The following LNX1 variants were observed in gnomAD, a reference collection of about 807,000 sequenced individuals.
LNX1 encodes the protein ligand of numb-protein X 1, also known as E3 ubiquitin-protein ligase LNX.
In LNX1, 54 loss-of-function variants were observed where a neutral mutation model predicts 68.4. That is an observed-to-expected ratio of 0.79 (90% CI 0.63 to 0.99). The LOEUF is 0.99. LNX1 is among the 50% of genes least tolerant of loss of function. The pLI is 0.00. For synonymous variants in LNX1, 336 were observed against 350.0 expected (o/e 0.96, Z 0.45); for missense variants, 906 against 926.4 (o/e 0.98, Z 0.29).
chr4:53,582,988 C>T (rs1311206819), intron 1 of LNX1, among the ~76,000 whole-genome samples: 1 of 152,186 alleles, frequency 6.6e-6, no homozygotes, highest in Admixed American at 6.5e-5. Flanking sequence ...ACTGCCCTGG[C>T]CCTAGCTGTA....
intron 1 of LNX1, among the ~76,000 whole-genome samples, chr4:53,627,259 C>A (rs556346442): frequency 6.6e-6 from 1 of 152,270 alleles, no homozygotes; most frequent in Admixed American, 6.5e-5. Context: ...CTTGGAGGTT[C>A]CCTGTTCACT....
In LNX1 at chr4:53,478,623, G is replaced by A. The variant is rs776036171; in HGVS notation, c.1605C>T (p.Ile535=). The A allele has an allele frequency of 5.0e-6, 8 of 1,613,994 alleles. No homozygotes were observed. In the South Asian group the frequency reaches 7.7e-5, roughly 16 times the overall value. Residue 535 remains isoleucine (I), a synonymous_variant, in exon 8 of 11, where the codon ATC becomes ATT. Coordinates refer to ENST00000263925, the MANE Select transcript of LNX1 (RefSeq NM_001126328.3). ...GASHREWDLP[I]YVISVEPGGV... Reference sequence around the variant, plus strand: ...CTCCGGGCTCAACACTGATGACATAGATAGGCAAATCCCATTCTCTATGTG... The same window carrying A: ...CTCCGGGCTCAACACTGATGACATAAATAGGCAAATCCCATTCTCTATGTG...
chr4:53,564,685 C>G (rs13151819), intron 2 of LNX1, among the ~76,000 whole-genome samples: 87,023 of 151,008 alleles, frequency 0.58, 25,453 homozygotes, highest in Non-Finnish European at 0.63. Context: ...AGCTCCCAGC[C>G]TGAGCGACAC....
chr4:53,585,906 G>A (rs1732143484), intron 1 of LNX1, among the ~76,000 whole-genome samples: 1 of 152,104 alleles, frequency 6.6e-6, no homozygotes, highest in African/African-American at 2.4e-5. Context: ...ATATTTCCAG[G>A]GGTATTCCTG....
At chr4:53,580,664 T>C (rs1731775292) in intron 1 of LNX1, among the ~76,000 whole-genome samples, 1 of 152,188 alleles carries the variant, frequency 6.6e-6, no homozygotes, top group African/African-American at 2.4e-5. Context: ...GCAATGGCTA[T>C]GAATGAAGCT....
chr4:53,495,909 G>A, intron 6 of LNX1, 114 bp downstream of exon 6: 1 of 1,247,368 alleles, frequency 8.0e-7, no homozygotes, highest in Non-Finnish European at 1.1e-6. Context: ...CTCCTTGAAA[G>A]GGAGGCACTG....
At chr4:53,595,850 T>A (rs796292157), upstream of LNX1, among the ~76,000 whole-genome samples, 1 of 152,326 alleles carries the variant, frequency 6.6e-6, no homozygotes, top group East Asian at 1.9e-4. Flanking sequence ...GCAGAATTAC[T>A]TTGCCCATTT....
intron 1 of LNX1, among the ~76,000 whole-genome samples, chr4:53,625,660 A>G (rs1051940421): frequency 1.3e-5 from 2 of 152,122 alleles, no homozygotes; most frequent in Non-Finnish European, 2.9e-5. Context: ...AAATAAAAAT[A>G]GCTGGGTGTG....
rs140308406 is a variant in LNX1, at chr4:53,476,799, G to T, written c.1846C>A (p.Pro616Thr). The change falls in exon 9 of 11, where the codon CCC becomes ACC. Residue 616 changes from proline to threonine, a missense_variant. By Grantham distance (38) the Pro-to-Thr change is conservative. Coordinates refer to ENST00000263925, the MANE Select transcript of LNX1 (RefSeq NM_001126328.3). The part of the protein sequence containing the change: ...ALDSNHNMAP[P>T]SDWSPSWVMW... ...ACCCAGGATGGGGACCAGTCACTGGGTGGGGCCATGTTGTGGTTGGAGTCC... is the reference window on the plus strand; with the variant it reads ...ACCCAGGATGGGGACCAGTCACTGGTTGGGGCCATGTTGTGGTTGGAGTCC... 1.9e-6 allele frequency: 3 copies of T among 1,614,184 alleles called. No homozygotes were observed. Among genetic ancestry groups the T allele is most frequent in the Non-Finnish European group, 2.5e-6 (3 of 1,180,024 alleles).
upstream of LNX1, among the ~76,000 whole-genome samples, chr4:53,618,724 T>C (rs1198588570): frequency 6.6e-6 from 1 of 152,188 alleles, no homozygotes; most frequent in Non-Finnish European, 1.5e-5. Context: ...TAGCCACATT[T>C]GAAAAGCAAA....
At chr4:53,630,825 C>T (rs1324146546) in intron 1 of LNX1, among the ~76,000 whole-genome samples, 1 of 152,140 alleles carries the variant, frequency 6.6e-6, no homozygotes, top group Admixed American at 6.5e-5. Context: ...TCAGAATTTG[C>T]TAATTCAGTG....
intron 2 of LNX1, among the ~76,000 whole-genome samples, chr4:53,523,575 C>T (rs1005603557): frequency 6.6e-6 from 1 of 152,240 alleles, no homozygotes; most frequent in African/African-American, 2.4e-5. Flanking sequence ...GCGTAAGCCA[C>T]AGCACCTGGC....
intron 9 of LNX1, among the ~76,000 whole-genome samples, chr4:53,475,310 T>A (rs995550765): frequency 3.9e-5 from 6 of 152,178 alleles, no homozygotes; most frequent in African/African-American, 1.2e-4. Flanking sequence ...AACTTTAAAG[T>A]CATACTCTCT....
At position 53,461,600 on chromosome 4, in the gene LNX1, T is replaced by C. The variant is rs375511100; in HGVS notation, c.1893-7A>G. ...TTTACAGTTATACAAGCACCTGAAA[T>C]AGAATGTAATCAGTGTACATGCATA... On this transcript the variant is annotated splice_region_variant and splice_polypyrimidine_tract_variant and intron_variant, in intron 9 of 10. Transcript: ENST00000263925. 15 of 1,605,064 alleles carry C rather than the reference T, an allele frequency of 9.3e-6. No homozygotes were observed. In the African/African-American group the frequency reaches 1.3e-4, roughly 14 times the overall value.
At chr4:53,622,004 G>A (rs1339275423), upstream of LNX1, among the ~76,000 whole-genome samples, 2 of 152,098 alleles carry the variant, frequency 1.3e-5, no homozygotes, top group Non-Finnish European at 2.9e-5. Context: ...ATACATTGGT[G>A]CAGAGGCCCC....
chr4:53,568,775 C>T (rs985341968), intron 2 of LNX1, among the ~76,000 whole-genome samples: 73 of 152,100 alleles, frequency 4.8e-4, no homozygotes, highest in Non-Finnish European at 8.8e-4. Context: ...ATTGTCTCAG[C>T]CCAAAATCTC....
At chr4:53,507,856 G>T in intron 3 of LNX1, 130 bp downstream of exon 3, 1 of 1,225,004 alleles carries the variant, frequency 8.2e-7, no homozygotes, top group Non-Finnish European at 1.1e-6. Flanking sequence ...TTGGACATTG[G>T]GTTCCTGCCA....
chr4:53,619,912 G>T (rs975258455), upstream of LNX1, among the ~76,000 whole-genome samples: 6 of 152,034 alleles, frequency 3.9e-5, no homozygotes, highest in African/African-American at 1.5e-4. Flanking sequence ...CATCCCAGTG[G>T]GTGTGGCAAG....
In LNX1 at chr4:53,495,548, C is replaced by CTTTTTTTTTTTTTT. The variant is rs199684639; in HGVS notation, c.1350+474_1350+475insAAAAAAAAAAAAAA. On this transcript the variant is annotated intron_variant, in intron 6 of 10. Coordinates refer to ENST00000263925, the MANE Select transcript of LNX1 (RefSeq NM_001126328.3). ...GATCCCTGGAGAATGCATGGCATAG[C>CTTTTTTTTTTTTTT]TTTTTTTTTTTTTAAGATGGGTCTT... Among the ~76,000 whole-genome samples the CTTTTTTTTTTTTTT allele has an allele frequency of 3.2e-3, 385 of 119,348 alleles. 27 individuals carry two copies. The highest frequency in any genetic ancestry group is 0.012 in the African/African-American group (357 of 30,826). 78.3% of individuals were successfully genotyped at this position (119,348 alleles called of 152,430 possible). A position where few individuals can be genotyped will look rare whatever the true frequency, so the allele number is the denominator to read the frequency against.
Sources: gnomAD v4.1 joint callset for allele counts (sites outside exome capture counted in the v4.1 genomes callset) on GRCh38, gnomAD v4.1.1 for gene constraint, MANE v1.5 for transcripts, NCBI Gene and HGNC (gene_info 2026-07-23, HGNC 2026-07-21) for gene names.